PPP2R2A: variants seen among roughly 807,000 people sequenced by gnomAD.
The protein encoded by PPP2R2A is serine/threonine-protein phosphatase 2A 55 kDa regulatory subunit B alpha isoform.
In PPP2R2A, 9 loss-of-function variants were observed where a neutral mutation model predicts 53.2. The ratio of observed to expected loss-of-function variants is 0.17; its 90% CI spans 0.10 to 0.30. The LOEUF (loss-of-function observed/expected upper bound fraction) is 0.30, where lower values mean the gene tolerates loss of function less well. Among genes scored for constraint, PPP2R2A ranks in the 10% least tolerant of loss-of-function variants. The pLI is 1.00. For synonymous variants in PPP2R2A, 169 were observed against 174.2 expected (o/e 0.97, Z 0.23); for missense variants, 235 against 534.6 (o/e 0.44, Z 5.53).
At position 26,354,338 on chromosome 8, in the gene PPP2R2A, G is replaced by T; in HGVS notation, c.181-130G>T. ...AAGGCCTTTAGAAATATAAAAAACA[G>T]AATGTAATTGTATAAAGACACAACT... On this transcript the variant is annotated intron_variant, in intron 3 of 9. Coordinates refer to ENST00000380737, the MANE Select transcript of PPP2R2A (RefSeq NM_002717.4). The surrounding 1 kb of genome is among the most constrained non-coding windows in gnomAD (Gnocchi z 4.6). 3.1e-6 allele frequency: 2 copies of T among 646,644 alleles called. No homozygotes were observed. Among genetic ancestry groups the T allele is most frequent in the Non-Finnish European group, 2.3e-6 (1 of 437,934 alleles). The allele number at this position is 646,644 out of a possible 1,614,324, so 40.1% of individuals were successfully genotyped here.
At chr8:26,357,627 T>G (rs1055450499) in intron 4 of PPP2R2A, among the ~76,000 whole-genome samples, 2 of 152,258 alleles carry the variant, frequency 1.3e-5, no homozygotes, top group East Asian at 3.9e-4. Flanking sequence ...ATGAATAATG[T>G]AAAGTTCACT....
intron 2 of PPP2R2A, among the ~76,000 whole-genome samples, chr8:26,306,798 C>T (rs1802044410): frequency 6.6e-6 from 1 of 152,022 alleles, no homozygotes; most frequent in Non-Finnish European, 1.5e-5. Flanking sequence ...AAGCCATGAT[C>T]GTGCCACTAC....
intron 2 of PPP2R2A, among the ~76,000 whole-genome samples, chr8:26,312,508 A>T (rs1802336698): frequency 6.6e-6 from 1 of 152,196 alleles, no homozygotes; most frequent in South Asian, 2.1e-4. Context: ...TTTACTCAGC[A>T]TTTTTGACAG....
intron 2 of PPP2R2A, among the ~76,000 whole-genome samples, chr8:26,303,726 C>A (rs1801889783): frequency 6.6e-6 from 1 of 151,998 alleles, no homozygotes; most frequent in South Asian, 2.1e-4. Flanking sequence ...AGTTTTCTGT[C>A]CAGGTTTAAA....
intron 2 of PPP2R2A, among the ~76,000 whole-genome samples, chr8:26,311,266 A>G (rs1002363231): frequency 6.6e-6 from 1 of 152,224 alleles, no homozygotes; most frequent in Non-Finnish European, 1.5e-5. Context: ...AATTAACAGA[A>G]TTAACAGTTG....
In PPP2R2A at chr8:26,340,208, C is replaced by T. The variant is rs976115327; in HGVS notation, c.180+1221C>T. On this transcript the variant is annotated intron_variant, in intron 3 of 9. Transcript: ENST00000380737. ...TGACATACTTAGAGTTGACATGGAA[C>T]CTTACATTATAATTTCATTATAATT... 7.8e-4 allele frequency among the ~76,000 whole-genome samples: 119 copies of T among 151,896 alleles called. 1 individual carries two copies. Among genetic ancestry groups the T allele is most frequent in the African/African-American group, 2.7e-3 (112 of 41,470 alleles).
chr8:26,319,131 T>G (rs150258967), intron 2 of PPP2R2A, among the ~76,000 whole-genome samples: 16 of 152,328 alleles, frequency 1.1e-4, no homozygotes, highest in Admixed American at 5.9e-4. Flanking sequence ...TTGTGACTGT[T>G]ATAGCGTATG....
Position 26,370,519 on chromosome 8 carries a change from G to A in PPP2R2A, c.*106G>A. On this transcript the variant is annotated 3_prime_UTR_variant, in exon 10 of 10. Transcript: ENST00000380737. This position sits in a 1 kb window ranked among gnomAD's most constrained non-coding sequence, Gnocchi z 6.1. Reference sequence around the variant, plus strand: ...AGGTCCATTGTGGCGCCCCTTTCCAGTGTTTGACAGTGTGCCATTCGACAA... The same window carrying A: ...AGGTCCATTGTGGCGCCCCTTTCCAATGTTTGACAGTGTGCCATTCGACAA... 1 of 1,255,534 alleles carries A rather than the reference G, an allele frequency of 8.0e-7. No homozygotes were observed. Among genetic ancestry groups the A allele is most frequent in the Non-Finnish European group, 1.1e-6 (1 of 898,998 alleles). The allele number at this position is 1,255,534 out of a possible 1,614,324, so 77.8% of individuals were successfully genotyped here.
Position 26,354,804 on chromosome 8 carries a change from T to C in PPP2R2A, c.346+171T>C, listed in dbSNP as rs933274651. On this transcript the variant is annotated intron_variant, in intron 4 of 9. Transcript: ENST00000380737. This position sits in a 1 kb window ranked among gnomAD's most constrained non-coding sequence, Gnocchi z 4.6. ...TGTCACTTGCAGTTTTTAGATTCTC[T>C]GAAAGATTCTCTGATAGCAATTTTT... 1.3e-5 allele frequency among the ~76,000 whole-genome samples: 2 copies of C among 152,226 alleles called. No individual in the cohort carries two copies. The highest frequency in any genetic ancestry group is 4.8e-5 in the African/African-American group (2 of 41,456).
At chr8:26,304,872 A>G (rs571418712) in intron 2 of PPP2R2A, among the ~76,000 whole-genome samples, 1 of 152,072 alleles carries the variant, frequency 6.6e-6, no homozygotes, top group Non-Finnish European at 1.5e-5. Flanking sequence ...TTTTTCTAGC[A>G]ACAGAACCAA....
chr8:26,351,452 G>A (rs1011692682), intron 3 of PPP2R2A, among the ~76,000 whole-genome samples: 1 of 152,324 alleles, frequency 6.6e-6, no homozygotes, highest in African/African-American at 2.4e-5. Context: ...TAGGTGTTCA[G>A]TGTGTGCCTA....
intron 3 of PPP2R2A, among the ~76,000 whole-genome samples, chr8:26,339,721 G>A (rs990523887): frequency 2.6e-5 from 4 of 151,948 alleles, no homozygotes; most frequent in African/African-American, 9.7e-5. Flanking sequence ...AAAATCAGTT[G>A]TTTTGGAACA....
rs561143370 is a variant in PPP2R2A at position 26,362,952 on chromosome 8, C to T, written c.802+104C>T. On this transcript the variant is annotated intron_variant, in intron 7 of 9. Transcript: ENST00000380737. The surrounding 1 kb of genome is among the most constrained non-coding windows in gnomAD (Gnocchi z 4.4). Reference sequence around the variant, plus strand: ...TTACAGAGGTTCAAAGTCTTAAACCCGTGTGTCCAGAGCCACTTGTACCCT... The same window carrying T: ...TTACAGAGGTTCAAAGTCTTAAACCTGTGTGTCCAGAGCCACTTGTACCCT... 66 of 1,143,066 alleles carry T rather than the reference C, an allele frequency of 5.8e-5. No individual in the cohort carries two copies. The highest frequency in any genetic ancestry group is 1.5e-4 in the African/African-American group (10 of 64,540). 70.8% of individuals were successfully genotyped at this position (1,143,066 alleles called of 1,614,324 possible).
At chr8:26,300,255 A>G (rs745561977) in intron 2 of PPP2R2A, among the ~76,000 whole-genome samples, 6 of 152,202 alleles carry the variant, frequency 3.9e-5, no homozygotes, top group Non-Finnish European at 5.9e-5. Flanking sequence ...ATTAAAATCA[A>G]GTTCTTGAAA....
chr8:26,353,048 T>C (rs1161635539), intron 3 of PPP2R2A, among the ~76,000 whole-genome samples: 1 of 152,186 alleles, frequency 6.6e-6, no homozygotes, highest in African/African-American at 2.4e-5. Context: ...TTAATGGTAT[T>C]GTGGTTTCCT....
intron 1 of PPP2R2A, chr8:26,292,306 A>T: frequency 1.0e-6 from 1 of 989,932 alleles, no homozygotes; most frequent in Non-Finnish European, 1.2e-6. Flanking sequence ...AAGTTAAAAT[A>T]CAGTGGGGGC....
intron 2 of PPP2R2A, among the ~76,000 whole-genome samples, chr8:26,317,515 G>A (rs1027423830): frequency 1.3e-5 from 2 of 152,140 alleles, no homozygotes; most frequent in Admixed American, 6.5e-5. Context: ...TTGTTGAATG[G>A]ATAGATAAAT....
chr8:26,293,883 C>A, intron 2 of PPP2R2A, 143 bp downstream of exon 2: 2 of 721,340 alleles, frequency 2.8e-6, no homozygotes, highest in Non-Finnish European at 4.5e-6. Context: ...TTAAAAGATA[C>A]CTTTCTGAAA....
intron 2 of PPP2R2A, among the ~76,000 whole-genome samples, chr8:26,330,307 C>CTTTTTTTTTT (rs11351968): frequency 2.3e-5 from 3 of 129,992 alleles, no homozygotes; most frequent in Non-Finnish European, 3.3e-5. Flanking sequence ...ATTCTTTTTT[C>CTTTTTTTTTT]TTTTTTTTTT....
Sources: allele counts gnomAD v4.1 joint callset (sites outside exome capture counted in the v4.1 genomes callset), GRCh38; gene constraint gnomAD v4.1.1; non-coding constraint Gnocchi (gnomAD v3.1); transcripts MANE v1.5; gene names NCBI Gene and HGNC (gene_info 2026-07-23, HGNC 2026-07-21).